Variants in TTC3 observed in about 807,000 individuals in gnomAD.
TTC3 encodes tetratricopeptide repeat domain 3.
A neutral mutation model predicts 249.6 loss-of-function variants in TTC3; 180 were observed. The observed-to-expected ratio is 0.72, with a 90% CI of 0.64 to 0.82. The LOEUF is 0.82. Among genes scored for constraint, TTC3 ranks in the 40% least tolerant of loss-of-function variants. The pLI, the probability that TTC3 is intolerant of heterozygous loss-of-function variation, is 0.00. For missense variants in TTC3, 2,061 were observed against 2,398.4 expected, an observed-to-expected ratio of 0.86 and a Z score of 2.94; for synonymous variants, 717 against 805.0, an observed-to-expected ratio of 0.89 and a Z score of 1.85.
intron 35 of TTC3, among the ~76,000 whole-genome samples, chr21:37,181,068 T>G (rs2148147094): frequency 6.6e-6 from 1 of 152,342 alleles, no homozygotes; most frequent in Admixed American, 6.5e-5. Context: ...GATCATTCTG[T>G]CTTCCATGCA....
At chr21:37,111,720 C>T (rs2075680226) in intron 11 of TTC3, among the ~76,000 whole-genome samples, 1 of 152,168 alleles carries the variant, frequency 6.6e-6, no homozygotes, top group African/African-American at 2.4e-5. Context: ...CTGCAGAACT[C>T]TCCACCCCAA....
intron 10 of TTC3, among the ~76,000 whole-genome samples, chr21:37,107,387 C>CT (rs1315769893): frequency 1.3e-5 from 2 of 152,102 alleles, no homozygotes; most frequent in Non-Finnish European, 2.9e-5. Context: ...TTTGAACACC[C>CT]TAAGTTCCAG....
At chr21:37,074,838 C>T (rs1192078872) in intron 1 of TTC3, among the ~76,000 whole-genome samples, 1 of 152,134 alleles carries the variant, frequency 6.6e-6, no homozygotes, top group Non-Finnish European at 1.5e-5. Flanking sequence ...TTCTTATTGT[C>T]TAATTTTCCT....
intron 28 of TTC3, among the ~76,000 whole-genome samples, chr21:37,157,900 T>C (rs1174746864): frequency 6.6e-6 from 1 of 152,212 alleles, no homozygotes; most frequent in Non-Finnish European, 1.5e-5. Flanking sequence ...GAACATATTA[T>C]GATAATCCCC....
chr21:37,123,877 T>A (rs2076829252), intron 13 of TTC3, among the ~76,000 whole-genome samples: 1 of 151,738 alleles, frequency 6.6e-6, no homozygotes, highest in Non-Finnish European at 1.5e-5. Context: ...GCCTCTTGAG[T>A]AGCTGGGGCC....
At chr21:37,142,315 C>G (rs957073753) in intron 20 of TTC3, among the ~76,000 whole-genome samples, 3 of 152,204 alleles carry the variant, frequency 2.0e-5, no homozygotes, top group African/African-American at 7.2e-5. Context: ...CAAATTGTCC[C>G]TGTTTGCAGA....
chr21:37,194,579 G>C (rs191854454), intron 41 of TTC3: 1 of 152,278 alleles, frequency 6.6e-6, no homozygotes, highest in Admixed American at 6.5e-5. Flanking sequence ...TCCTTTAAGT[G>C]AAAAGCTGAA....
chr21:37,108,539 A>C, intron 11 of TTC3, 93 bp downstream of exon 11: 1 of 1,229,230 alleles, frequency 8.1e-7, no homozygotes, highest in Non-Finnish European at 1.1e-6. Context: ...TAAAAATGCT[A>C]TATGAAATTA....
intron 7 of TTC3, chr21:37,093,421 AT>A (rs1429283100): frequency 6.6e-6 from 1 of 151,146 alleles, no homozygotes; most frequent in Non-Finnish European, 1.5e-5. Context: ...TCATTGGAGC[AT>A]TTTGAATTTT....
At chr21:37,106,969 G>T (rs532100177) in intron 10 of TTC3, among the ~76,000 whole-genome samples, 1 of 151,942 alleles carries the variant, frequency 6.6e-6, no homozygotes, top group African/African-American at 2.4e-5. Flanking sequence ...TTTTCTCCAT[G>T]TACCGCAGTA....
chr21:37,108,755 GTATAGGAGGCTGTCTT>G (rs2075325821), intron 11 of TTC3, among the ~76,000 whole-genome samples: 1 of 152,138 alleles, frequency 6.6e-6, no homozygotes, highest in Non-Finnish European at 1.5e-5. Context: ...TGGGGAGGAA[GTATAGGAGGCTGTCTT>G]TATAGGAGGC....
intron 11 of TTC3, among the ~76,000 whole-genome samples, chr21:37,112,821 C>A (rs957690198): frequency 1.3e-5 from 2 of 152,172 alleles, no homozygotes; most frequent in Non-Finnish European, 2.9e-5. Context: ...AATCCAGCAA[C>A]ACATCAAAAA....
intron 36 of TTC3, among the ~76,000 whole-genome samples, chr21:37,184,495 C>T (rs919532392): frequency 2.0e-5 from 3 of 151,908 alleles, no homozygotes; most frequent in Admixed American, 1.3e-4. Context: ...GCTTTTGTCA[C>T]CCAGCCTGGA....
At chr21:37,153,373 C>T (rs1046373751) in intron 27 of TTC3, 96 bp downstream of exon 27, 3 of 1,172,340 alleles carry the variant, frequency 2.6e-6, no homozygotes, top group South Asian at 1.7e-5. Context: ...TAATTTATAA[C>T]TTTAAATGCA....
intron 1 of TTC3, among the ~76,000 whole-genome samples, chr21:37,081,016 A>G (rs954397699): frequency 1.3e-5 from 2 of 151,524 alleles, no homozygotes; most frequent in Non-Finnish European, 2.9e-5. Flanking sequence ...TGATGGATGT[A>G]CAATTGTAGG....
intron 1 of TTC3, among the ~76,000 whole-genome samples, chr21:37,079,608 T>G (rs2146874812): frequency 6.9e-6 from 1 of 145,922 alleles, no homozygotes; most frequent in South Asian, 2.2e-4. Context: ...GCCATCTCAT[T>G]GCAACCTCTG....
rs113866936 is a variant in TTC3 at position 37,169,375 on chromosome 21, G to A, written c.4467+1755G>A. Among the ~76,000 whole-genome samples the A allele has an allele frequency of 4.0e-5, 6 of 151,308 alleles. No individual in the cohort carries two copies. In the East Asian group the frequency reaches 5.8e-4, roughly 15 times the overall value. ...TGCCTGGCCAACATGTTGAAACCCCGTCTCTACTAAAAATACAAAAATTAG... is the reference window on the plus strand; with the variant it reads ...TGCCTGGCCAACATGTTGAAACCCCATCTCTACTAAAAATACAAAAATTAG... On this transcript the variant is annotated intron_variant, in intron 34 of 45. Transcript: ENST00000355666.
At chr21:37,101,679 G>A (rs1200002140) in intron 10 of TTC3, among the ~76,000 whole-genome samples, 1 of 151,842 alleles carries the variant, frequency 6.6e-6, no homozygotes, top group African/African-American at 2.4e-5. Context: ...TGCCATTTTT[G>A]TAAGTCAGAA....
chr21:37,101,391 T>C (rs937981865), intron 10 of TTC3: 12 of 151,238 alleles, frequency 7.9e-5, no homozygotes, highest in African/African-American at 2.9e-4. Context: ...GTGTGTTGGT[T>C]TGGTGAATTA....
Sources: gnomAD v4.1 joint callset for allele counts (sites outside exome capture counted in the v4.1 genomes callset) on GRCh38, gnomAD v4.1.1 for gene constraint, MANE v1.5 for transcripts, NCBI Gene and HGNC (gene_info 2026-07-23, HGNC 2026-07-21) for gene names.